PTPN9: variants seen among roughly 807,000 people sequenced by gnomAD.
The protein encoded by PTPN9 is protein tyrosine phosphatase non-receptor type 9.
In PTPN9, 26 loss-of-function variants were observed where a neutral mutation model predicts 69.8. The observed-to-expected ratio is 0.37, with a 90% CI of 0.27 to 0.52. The LOEUF (loss-of-function observed/expected upper bound fraction) is 0.52, where lower values mean the gene tolerates loss of function less well. Among genes scored for constraint, PTPN9 ranks in the 20% least tolerant of loss-of-function variants. The pLI, the probability that PTPN9 is intolerant of heterozygous loss-of-function variation, is 0.91. For synonymous variants in PTPN9, 274 were observed against 272.5 expected (o/e 1.01, Z -0.05); for missense variants, 549 against 740.3 (o/e 0.74, Z 3.00).
chr15:75,577,486 T>A (rs1383353577), intron 1 of PTPN9, among the ~76,000 whole-genome samples: 1 of 152,200 alleles, frequency 6.6e-6, no homozygotes, highest in African/African-American at 2.4e-5. Flanking sequence ...CAAAGCAGAA[T>A]TCTTTTTAAA....
intron 7 of PTPN9, among the ~76,000 whole-genome samples, chr15:75,505,012 A>G (rs1467352823): frequency 6.6e-6 from 1 of 152,228 alleles, no homozygotes; most frequent in African/African-American, 2.4e-5. Context: ...GTTTTGTGGA[A>G]TAGAAAGGGG....
intron 1 of PTPN9, among the ~76,000 whole-genome samples, chr15:75,537,998 G>A (rs961580994): frequency 1.3e-5 from 2 of 152,008 alleles, no homozygotes; most frequent in South Asian, 2.1e-4. Context: ...GGCAGAGGTT[G>A]CAGTGAGCCA....
At chr15:75,544,543 C>CA (rs1467792785) in intron 1 of PTPN9, among the ~76,000 whole-genome samples, 1 of 151,920 alleles carries the variant, frequency 6.6e-6, no homozygotes, top group Non-Finnish European at 1.5e-5. Context: ...AGCAAAACAA[C>CA]AACAAACAAA....
chr15:75,518,445 T>A (rs1385622042), intron 4 of PTPN9, among the ~76,000 whole-genome samples: 1 of 130,046 alleles, frequency 7.7e-6, no homozygotes. Flanking sequence ...CTGGGCAACA[T>A]GGCAAGACCC....
intron 1 of PTPN9, among the ~76,000 whole-genome samples, chr15:75,539,176 C>T (rs184733255): frequency 2.6e-5 from 4 of 152,038 alleles, no homozygotes; most frequent in African/African-American, 7.2e-5. Context: ...CTTGATCTCT[C>T]GACCTCATGA....
Position 75,469,811 on chromosome 15 carries a change from A to G in PTPN9, c.1548T>C (p.Ser516=). The stretch of plus-strand genomic sequence containing the variant: ...CGTTACCTGTCCTGCCAATGCCTGC[A>G]CTGCAATGGACCACAATGGGTGGCT... ...CPEPPIVVHC[S]AGIGRTGTFC... The change falls in exon 12 of 13, where the codon AGT becomes AGC. Residue 516 remains serine (S), a synonymous_variant. Coordinates refer to ENST00000618819, the MANE Select transcript of PTPN9 (RefSeq NM_002833.4). The G allele has an allele frequency of 1.2e-6, 2 of 1,613,006 alleles. No homozygotes were observed. The highest frequency in any genetic ancestry group is 4.5e-5 in the East Asian group (2 of 44,884).
chr15:75,482,347 C>G (rs1331549423), intron 8 of PTPN9, among the ~76,000 whole-genome samples: 1 of 152,052 alleles, frequency 6.6e-6, no homozygotes, highest in African/African-American at 2.4e-5. Context: ...GGGCGGATGA[C>G]GAGGTCAGGA....
intron 1 of PTPN9, among the ~76,000 whole-genome samples, chr15:75,564,550 C>T (rs555594645): frequency 6.6e-6 from 1 of 150,634 alleles, no homozygotes; most frequent in Non-Finnish European, 1.5e-5. Flanking sequence ...GAGCCAGAAT[C>T]GCGCCACTGA....
At chr15:75,483,128 G>A (rs2074654020) in intron 8 of PTPN9, among the ~76,000 whole-genome samples, 1 of 152,156 alleles carries the variant, frequency 6.6e-6, no homozygotes, top group South Asian at 2.1e-4. Context: ...CTTATACATG[G>A]CTAGTGGTAA....
chr15:75,519,597 T>G (rs192059922), intron 4 of PTPN9, among the ~76,000 whole-genome samples: 1 of 152,186 alleles, frequency 6.6e-6, no homozygotes, highest in Non-Finnish European at 1.5e-5. Context: ...GTTACATTAG[T>G]GTTAAATCTT....
chr15:75,573,961 T>C (rs889651251), intron 1 of PTPN9, among the ~76,000 whole-genome samples: 4 of 151,336 alleles, frequency 2.6e-5, no homozygotes, highest in Non-Finnish European at 5.9e-5. Context: ...CAAAGGGGGG[T>C]GTTTCCAGAT....
At chr15:75,520,484 G>GATA (rs1567500031) in intron 4 of PTPN9, among the ~76,000 whole-genome samples, 1,209 of 62,870 alleles carry the variant, frequency 0.019, 20 homozygotes, top group African/African-American at 0.056. Flanking sequence ...ATAGATAGAT[G>GATA]TGTGTGTGTT....
chr15:75,556,070 C>T (rs186686564), intron 1 of PTPN9, among the ~76,000 whole-genome samples: 3 of 147,838 alleles, frequency 2.0e-5, no homozygotes, highest in African/African-American at 7.5e-5. Context: ...GAGAGAGAGG[C>T]ACTACTCTAG....
chr15:75,535,774 C>G (rs936097296), intron 1 of PTPN9, among the ~76,000 whole-genome samples: 3 of 152,070 alleles, frequency 2.0e-5, no homozygotes, highest in African/African-American at 7.2e-5. Flanking sequence ...CTTTTTATAT[C>G]TATTGATCTC....
intron 7 of PTPN9, among the ~76,000 whole-genome samples, chr15:75,503,288 G>A (rs1410526363): frequency 2.1e-5 from 3 of 140,008 alleles, no homozygotes; most frequent in African/African-American, 5.7e-5. Context: ...CTGCCCCGCT[G>A]CCCCGTCTGG....
chr15:75,538,693 A>T (rs1411968728), intron 1 of PTPN9, among the ~76,000 whole-genome samples: 1 of 152,184 alleles, frequency 6.6e-6, no homozygotes, highest in South Asian at 2.1e-4. Context: ...TCTCAAAAAA[A>T]AAAAGGAATG....
intron 1 of PTPN9, among the ~76,000 whole-genome samples, chr15:75,531,715 C>A (rs1481673679): frequency 6.6e-6 from 1 of 152,008 alleles, no homozygotes; most frequent in Non-Finnish European, 1.5e-5. Flanking sequence ...CCCGCCACCA[C>A]ACCCGGCTAA....
chr15:75,521,114 T>G (rs991667426), intron 4 of PTPN9, among the ~76,000 whole-genome samples: 3 of 151,906 alleles, frequency 2.0e-5, no homozygotes, highest in Non-Finnish European at 4.4e-5. Context: ...CCTCCCAAAG[T>G]GTTGGGATTA....
At chr15:75,499,209 T>C (rs1400604166) in intron 7 of PTPN9, among the ~76,000 whole-genome samples, 1 of 152,106 alleles carries the variant, frequency 6.6e-6, no homozygotes, top group African/African-American at 2.4e-5. Context: ...TCTTTGTAAG[T>C]AGCTCTACTG....
Sources: gnomAD v4.1 joint callset for allele counts (sites outside exome capture counted in the v4.1 genomes callset) on GRCh38, gnomAD v4.1.1 for gene constraint, MANE v1.5 for transcripts, NCBI Gene and HGNC (gene_info 2026-07-23, HGNC 2026-07-21) for gene names.